ATP10B: variants seen among roughly 807,000 people sequenced by gnomAD.
ATP10B encodes the protein phospholipid-transporting ATPase VB.
A neutral mutation model predicts 141.2 loss-of-function variants in ATP10B; 122 were observed. That is an observed-to-expected ratio of 0.86 (90% CI 0.75 to 1.00). ATP10B has a LOEUF of 1.00. ATP10B is among the 50% of genes least tolerant of loss of function. ATP10B has a pLI of 0.00. For synonymous variants in ATP10B, 685 were observed against 692.0 expected (o/e 0.99, Z 0.16); for missense variants, 1,876 against 1,825.3 (o/e 1.03, Z -0.51).
chr5:160,791,134 TAAGA>T (rs993409059), intron 1 of ATP10B, among the ~76,000 whole-genome samples: 48 of 152,198 alleles, frequency 3.2e-4, no homozygotes, highest in African/African-American at 1.1e-3. Flanking sequence ...GCAACCTAAG[TAAGA>T]AAGAATATAA....
rs1377206682 is a variant in ATP10B, at chr5:160,653,639, CATATATATTATATATACATATATACAT to C, written c.676-4410_676-4384del. ...CATATATATTATATATACATATATA[CATATATATTATATATACATATATACAT>C]ATATATTATATATACATATATACAT... On this transcript the variant is annotated intron_variant, in intron 7 of 25. Coordinates refer to ENST00000327245, the MANE Select transcript of ATP10B (RefSeq NM_025153.3). 6.5e-4 allele frequency among the ~76,000 whole-genome samples: 46 copies of C among 70,648 alleles called. 1 individual carries two copies. The highest frequency in any genetic ancestry group is 3.2e-3 in the East Asian group (2 of 620). 46.3% of individuals were successfully genotyped at this position (70,648 alleles called of 152,430 possible).
the ATP10B span, among the ~76,000 whole-genome samples, chr5:160,881,539 G>C: frequency 6.6e-6 from 1 of 152,162 alleles, no homozygotes; most frequent in Non-Finnish European, 1.5e-5. Flanking sequence ...TCGGCCGGGC[G>C]TGGTGGCTCA....
chr5:160,834,090 T>G (rs974633235), intron 1 of ATP10B, among the ~76,000 whole-genome samples: 13 of 152,038 alleles, frequency 8.6e-5, no homozygotes, highest in African/African-American at 3.1e-4. Flanking sequence ...TTTGGGAGGC[T>G]GAGGTGGGTG....
At chr5:160,631,190 A>T (rs537114788) in intron 13 of ATP10B, among the ~76,000 whole-genome samples, 63 of 152,300 alleles carry the variant, frequency 4.1e-4, no homozygotes, top group African/African-American at 1.3e-3. Context: ...CTTGTTCAAG[A>T]TTGCTGGGGC....
chr5:160,599,738 T>G (rs1561642012), intron 21 of ATP10B, among the ~76,000 whole-genome samples: 1 of 152,232 alleles, frequency 6.6e-6, no homozygotes, highest in African/African-American at 2.4e-5. Context: ...TAAAGCTCTT[T>G]CTCACTCAAG....
At chr5:160,640,816 G>A (rs543796694) in intron 9 of ATP10B, among the ~76,000 whole-genome samples, 17 of 152,244 alleles carry the variant, frequency 1.1e-4, no homozygotes, top group Non-Finnish European at 1.8e-4. Flanking sequence ...AGACACTGTG[G>A]TGGGCACTGA....
In ATP10B at chr5:160,634,495, G is replaced by A. The variant is rs1759203733; in HGVS notation, c.1240C>T (p.Gln414Ter). The A allele has an allele frequency of 6.2e-7, 1 of 1,614,070 alleles. No individual in the cohort carries two copies. Among genetic ancestry groups the A allele is most frequent in the Non-Finnish European group, 8.5e-7 (1 of 1,180,034 alleles). Residue 414 changes from glutamine (Q) to a stop codon, truncating the protein, a stop_gained, in exon 12 of 26, where the codon CAA (glutamine) becomes TAA (stop). Transcript: ENST00000327245. LOFTEE classifies it high-confidence loss of function. ...LYDEETDLSI[Q>*]CRALNIAEDL... ...TCTGCGATGTTGAGGGCTCGACATT[G>A]AATGGATAAATCGGTCTCTTCATCA...
intron 1 of ATP10B, among the ~76,000 whole-genome samples, chr5:160,786,683 A>T (rs1379492392): frequency 6.6e-6 from 1 of 152,156 alleles, no homozygotes; most frequent in Non-Finnish European, 1.5e-5. Flanking sequence ...GAGACAATGA[A>T]GTTGTCTTCC....
intron 2 of ATP10B, among the ~76,000 whole-genome samples, chr5:160,729,214 G>A (rs1766571477): frequency 6.6e-6 from 1 of 152,150 alleles, no homozygotes; most frequent in Admixed American, 6.5e-5. Context: ...TATAATGCAA[G>A]GGAGAAGTGT....
intron 2 of ATP10B, among the ~76,000 whole-genome samples, chr5:160,784,829 T>C (rs903080688): frequency 9.8e-5 from 15 of 152,286 alleles, no homozygotes; most frequent in African/African-American, 2.9e-4. Flanking sequence ...CATCTTATAG[T>C]AGATACTATT....
At chr5:160,749,004 C>G (rs1767984288) in intron 2 of ATP10B, among the ~76,000 whole-genome samples, 1 of 152,172 alleles carries the variant, frequency 6.6e-6, no homozygotes, top group Admixed American at 6.5e-5. Flanking sequence ...AGGAAATAGA[C>G]ACCCTCAGAA....
At chr5:160,815,347 T>C (rs1281894396) in intron 1 of ATP10B, among the ~76,000 whole-genome samples, 2 of 152,182 alleles carry the variant, frequency 1.3e-5, no homozygotes, top group Non-Finnish European at 2.9e-5. Flanking sequence ...TCCTGGTCTC[T>C]GATAAAACAG....
At chr5:160,806,908 T>C (rs1008978945) in intron 1 of ATP10B, among the ~76,000 whole-genome samples, 8 of 152,294 alleles carry the variant, frequency 5.3e-5, no homozygotes, top group African/African-American at 1.9e-4. Flanking sequence ...TTTGTCACCC[T>C]CCAGTTACTG....
intron 1 of ATP10B, among the ~76,000 whole-genome samples, chr5:160,820,614 CTGATGAATATTGA>C (rs1295302162): frequency 1.3e-5 from 2 of 150,960 alleles, no homozygotes; most frequent in Non-Finnish European, 3.0e-5. Flanking sequence ...GCCAATATCT[CTGATGAATATTGA>C]TGAAAAAATC....
At chr5:160,670,386 T>G (rs1762600278) in intron 7 of ATP10B, 77 bp downstream of exon 7, 1 of 1,438,114 alleles carries the variant, frequency 7.0e-7, no homozygotes, top group East Asian at 2.3e-5. Flanking sequence ...CCCAGTAGGT[T>G]TAGTTCAATT....
chr5:160,766,261 T>C (rs1358764111), intron 2 of ATP10B, among the ~76,000 whole-genome samples: 1 of 146,928 alleles, frequency 6.8e-6, no homozygotes. Context: ...ACATCCATGT[T>C]TATAGCAGCA....
At chr5:160,624,217 C>A (rs1758497275) in intron 13 of ATP10B, among the ~76,000 whole-genome samples, 1 of 152,126 alleles carries the variant, frequency 6.6e-6, no homozygotes, top group Admixed American at 6.5e-5. Context: ...AAACAAAAAA[C>A]CCATGGGAAA....
rs769058029 is a variant in ATP10B at position 160,598,776 on chromosome 5, G to T, written c.3558C>A (p.Asn1186Lys). 1.9e-6 allele frequency: 3 copies of T among 1,613,938 alleles called. No homozygotes were observed. Among genetic ancestry groups the T allele is most frequent in the Non-Finnish European group, 8.5e-7 (1 of 1,179,970 alleles). The change falls in exon 22 of 26, where the codon AAC becomes AAA. Residue 1186 changes from asparagine to lysine, a missense_variant. Coordinates refer to ENST00000327245, the MANE Select transcript of ATP10B (RefSeq NM_025153.3). The stretch of plus-strand genomic sequence containing the variant: ...GGCTGCCCGATCTCCTTACCTCAGA[G>T]TTCTGGCCACTCTTGTATAGCTCAG... ...ALPELYKSGQ[N>K]SECYNLSTFW...
chr5:160,751,181 T>C (rs568390271), intron 2 of ATP10B, among the ~76,000 whole-genome samples: 2 of 152,190 alleles, frequency 1.3e-5, no homozygotes, highest in Admixed American at 1.3e-4. Context: ...TCAATACATA[T>C]TTATTGCTTT....
Sources: allele counts gnomAD v4.1 joint callset (sites outside exome capture counted in the v4.1 genomes callset), GRCh38; gene constraint gnomAD v4.1.1; transcripts MANE v1.5; gene names NCBI Gene and HGNC (gene_info 2026-07-23, HGNC 2026-07-21).